Variants in DOK5 observed in about 807,000 individuals in gnomAD.
The protein encoded by DOK5 is docking protein 5, also known as downstream of tyrosine kinase 5.
DOK5 carries 27 observed loss-of-function variants against 43.3 expected under a neutral mutation model. The observed-to-expected ratio is 0.62, with a 90% CI of 0.46 to 0.86. DOK5 has a LOEUF of 0.86. Among genes scored for constraint, DOK5 ranks in the 40% least tolerant of loss-of-function variants. The pLI is 0.00. For missense variants in DOK5, 373 were observed against 392.9 expected (o/e 0.95, Z 0.43); for synonymous variants, 146 against 140.1 (o/e 1.04, Z -0.30).
intron 7 of DOK5, among the ~76,000 whole-genome samples, chr20:54,648,419 G>T (rs1568829191): frequency 6.6e-6 from 1 of 152,182 alleles, no homozygotes; most frequent in Non-Finnish European, 1.5e-5. Context: ...AAGTGAGGCA[G>T]AGCTGTTGGT....
chr20:54,543,802 T>C (rs1984249932), intron 1 of DOK5, among the ~76,000 whole-genome samples: 1 of 152,202 alleles, frequency 6.6e-6, no homozygotes, highest in African/African-American at 2.4e-5. Flanking sequence ...ACATATTATT[T>C]TACAATATCA....
At chr20:54,605,010 AAAATATATATAT>A (rs1280072626) in intron 5 of DOK5, among the ~76,000 whole-genome samples, 98 of 141,760 alleles carry the variant, frequency 6.9e-4, no homozygotes, top group Admixed American at 1.1e-3. Context: ...TCAAAAAAAA[AAAATATATATAT>A]ATACACACAC....
chr20:54,484,265 G>C (rs896128588), intron 1 of DOK5, among the ~76,000 whole-genome samples: 4 of 152,012 alleles, frequency 2.6e-5, no homozygotes, highest in Non-Finnish European at 4.4e-5. Flanking sequence ...TGTAATCCCA[G>C]CTACTCAGGG....
rs576677440 is a variant in DOK5, at chr20:54,599,041, G to A, written c.599+7236G>A. 2.6e-5 allele frequency among the ~76,000 whole-genome samples: 4 copies of A among 152,260 alleles called. No homozygotes were observed. The South Asian group carries it at 8.3e-4, about 32-fold the overall frequency. On this transcript the variant is annotated intron_variant, in intron 5 of 7. Transcript: ENST00000262593. Reference sequence around the variant, plus strand: ...ATTTATTTGAATATTTGAAATATATGTGTATTTGCATATTTGAAAGCTACA... The same window carrying A: ...ATTTATTTGAATATTTGAAATATATATGTATTTGCATATTTGAAAGCTACA...
intron 1 of DOK5, among the ~76,000 whole-genome samples, chr20:54,481,131 CATCTATCTATCTATCTATCTATCT>C (rs58563329): frequency 2.9e-5 from 4 of 139,476 alleles, no homozygotes; most frequent in Non-Finnish European, 3.1e-5. Context: ...ATGTATCTAT[CATCTATCTATCTATCTATCTATCT>C]ATCTATCTAT....
At position 54,475,752 on chromosome 20, in the gene DOK5, G is replaced by T; in HGVS notation, c.-195G>T. On this transcript the variant is annotated 5_prime_UTR_variant, in exon 1 of 8. Coordinates refer to ENST00000262593, the MANE Select transcript of DOK5 (RefSeq NM_018431.5). The surrounding 1 kb of genome is among the most constrained non-coding windows in gnomAD (Gnocchi z 4.2). ...CGCTCCCCGAAAGTGGCTGCAAGCC[G>T]GCCGCCCACTGTCAGGGTTGGGGGG... is the stretch of plus-strand genomic sequence containing the variant. 1.5e-6 allele frequency: 1 copy of T among 684,148 alleles called. No homozygotes were observed. Among genetic ancestry groups the T allele is most frequent in the Non-Finnish European group, 2.4e-6 (1 of 419,446 alleles). 42.4% of individuals were successfully genotyped at this position (684,148 alleles called of 1,614,324 possible). A position where few individuals can be genotyped will look rare whatever the true frequency, so the allele number is the denominator to read the frequency against.
At chr20:54,576,678 T>C (rs1237565192) in intron 2 of DOK5, among the ~76,000 whole-genome samples, 1 of 152,230 alleles carries the variant, frequency 6.6e-6, no homozygotes, top group East Asian at 1.9e-4. Flanking sequence ...ATTCCTATGC[T>C]GTGTGTCTTA....
intron 1 of DOK5, among the ~76,000 whole-genome samples, chr20:54,518,695 G>A (rs547797296): frequency 7.2e-5 from 11 of 152,200 alleles, no homozygotes; most frequent in East Asian, 5.8e-4. Context: ...CTGAGGAATC[G>A]CCACACTGAC....
chr20:54,616,839 G>A (rs1310286518), intron 6 of DOK5, among the ~76,000 whole-genome samples: 2 of 140,946 alleles, frequency 1.4e-5, no homozygotes, highest in Non-Finnish European at 3.0e-5. Flanking sequence ...CCAGGCTGGA[G>A]TGCAGTGGCG....
chr20:54,646,044 A>G (rs1476116894), intron 7 of DOK5, among the ~76,000 whole-genome samples: 1 of 151,286 alleles, frequency 6.6e-6, no homozygotes, highest in Non-Finnish European at 1.5e-5. Context: ...CTCTGCAGAG[A>G]GAGTGAGTTA....
At chr20:54,618,941 C>T (rs1008114920) in intron 6 of DOK5, among the ~76,000 whole-genome samples, 1 of 147,538 alleles carries the variant, frequency 6.8e-6, no homozygotes, top group Non-Finnish European at 1.5e-5. Flanking sequence ...GACTTGAGTC[C>T]AGGAGATCCA....
intron 7 of DOK5, among the ~76,000 whole-genome samples, chr20:54,649,566 C>T: frequency 6.6e-6 from 1 of 152,050 alleles, no homozygotes; most frequent in South Asian, 2.1e-4. Flanking sequence ...AAAGGCTTTG[C>T]GGTGAGTCCT....
At chr20:54,585,617 A>T (rs1425016152) in intron 2 of DOK5, among the ~76,000 whole-genome samples, 1 of 152,234 alleles carries the variant, frequency 6.6e-6, no homozygotes, top group Non-Finnish European at 1.5e-5. Flanking sequence ...CAGGGGCTAA[A>T]GAGCCTCTGG....
rs79784898 is a variant in DOK5, at chr20:54,646,237, C to T, written c.856+2659C>T. Among the ~76,000 whole-genome samples, 1,267 of 131,978 alleles carry T rather than the reference C, an allele frequency of 9.6e-3. 31 individuals are homozygous for T. Among genetic ancestry groups the T allele is most frequent in the African/African-American group, 0.035 (1,163 of 33,172 alleles). The allele number at this position is 131,978 out of a possible 152,430, so 86.6% of individuals were successfully genotyped here. Reference sequence around the variant, plus strand: ...TACTACCTTAATACTGTTATATCCACTGGTTATACTGTTTTTTTTTTTTTT... The same window carrying T: ...TACTACCTTAATACTGTTATATCCATTGGTTATACTGTTTTTTTTTTTTTT... On this transcript the variant is annotated intron_variant, in intron 7 of 7. Coordinates refer to ENST00000262593, the MANE Select transcript of DOK5 (RefSeq NM_018431.5).
chr20:54,603,826 T>G (rs1028788611), intron 5 of DOK5, among the ~76,000 whole-genome samples: 4 of 152,096 alleles, frequency 2.6e-5, no homozygotes, highest in Non-Finnish European at 5.9e-5. Context: ...TGGCTAAGCC[T>G]CTTGCTTCTT....
chr20:54,523,667 G>A (rs1414158226), intron 1 of DOK5, among the ~76,000 whole-genome samples: 1 of 152,098 alleles, frequency 6.6e-6, no homozygotes, highest in African/African-American at 2.4e-5. Context: ...CTGCAATGGC[G>A]CAATCTCGGC....
rs1985984292 is a variant in DOK5, at chr20:54,591,760, G to A, written c.554G>A (p.Arg185Gln). Reference protein sequence around the residue: ...KLISWPLSALRRYGRDTTWFT... With the variant: ...KLISWPLSALQRYGRDTTWFT... ...ATCTCTTGGCCGCTAAGCGCCCTGC[G>A]GCGGTATGGACGTGATACTACGTGG... The change falls in exon 5 of 8, where the codon CGG becomes CAG. Residue 185 changes from arginine (R) to glutamine (Q), a missense_variant. Coordinates refer to ENST00000262593, the MANE Select transcript of DOK5 (RefSeq NM_018431.5). 8 of 1,614,142 alleles carry A rather than the reference G, an allele frequency of 5.0e-6. No individual in the cohort carries two copies. The highest frequency in any genetic ancestry group is 1.7e-4 in the Middle Eastern group (1 of 6,058).
intron 2 of DOK5, 110 bp downstream of exon 2, chr20:54,555,150 T>C: frequency 1.4e-6 from 1 of 708,914 alleles, no homozygotes. Flanking sequence ...GCAATATCTT[T>C]TCCAAGGACA....
At position 54,475,735 on chromosome 20, in the gene DOK5, GA is replaced by G; in HGVS notation, c.-209del. The G allele has an allele frequency of 1.6e-6, 1 of 639,416 alleles. No homozygotes were observed. The highest frequency in any genetic ancestry group is 2.6e-6 in the Non-Finnish European group (1 of 379,604). The allele number at this position is 639,416 out of a possible 1,614,324, so 39.6% of individuals were successfully genotyped here. On this transcript the variant is annotated 5_prime_UTR_variant, in exon 1 of 8. Coordinates refer to ENST00000262593, the MANE Select transcript of DOK5 (RefSeq NM_018431.5). The surrounding 1 kb of genome is among the most constrained non-coding windows in gnomAD (Gnocchi z 4.2). ...CCCCGCGCCGCGCTCTGCGCTCCCC[GA>G]AAGTGGCTGCAAGCCGGCCGCCCAC...
Sources: gnomAD v4.1 joint callset for allele counts (sites outside exome capture counted in the v4.1 genomes callset) on GRCh38, gnomAD v4.1.1 for gene constraint, Gnocchi (gnomAD v3.1) non-coding constraint, MANE v1.5 for transcripts, NCBI Gene and HGNC (gene_info 2026-07-23, HGNC 2026-07-21) for gene names.